Variants in ALK observed in about 807,000 individuals in gnomAD.
ALK encodes the protein ALK receptor tyrosine kinase.
In ALK, 74 loss-of-function variants were observed where a neutral mutation model predicts 163.1. That is an observed-to-expected ratio of 0.45 (90% CI 0.38 to 0.55). The LOEUF (loss-of-function observed/expected upper bound fraction) is 0.55, where lower values mean the gene tolerates loss of function less well. Among genes scored for constraint, ALK ranks in the 20% least tolerant of loss-of-function variants. The pLI, the probability that ALK is intolerant of heterozygous loss-of-function variation, is 0.00. For synonymous variants in ALK, 960 were observed against 843.2 expected (o/e 1.14, Z -2.40); for missense variants, 2,063 against 2,105.3 (o/e 0.98, Z 0.39).
rs1674356566 is a variant in ALK at position 29,571,126 on chromosome 2, T to C, written c.953-39010A>G. ...TTACCATGTGTTCTCTCTCCCTGTT[T>C]GTGAAAGATGAAAATGAACAGCTTT... On this transcript the variant is annotated intron_variant, in intron 3 of 28. Transcript: ENST00000389048. Among the ~76,000 whole-genome samples the C allele has an allele frequency of 2.0e-5, 3 of 152,072 alleles. No individual in the cohort carries two copies. The South Asian group carries it at 6.3e-4, about 32-fold the overall frequency.
chr2:29,588,562 A>G (rs561833066), intron 3 of ALK, among the ~76,000 whole-genome samples: 15 of 152,240 alleles, frequency 9.9e-5, no homozygotes, highest in African/African-American at 3.6e-4. Context: ...TTTTGTCTCT[A>G]GATTTGGGGA....
intron 23 of ALK, among the ~76,000 whole-genome samples, chr2:29,215,519 C>T (rs1034446400): frequency 1.3e-5 from 2 of 152,114 alleles, no homozygotes; most frequent in African/African-American, 2.4e-5. Context: ...TCCATATTAA[C>T]GATGAGAAGG....
chr2:29,505,826 G>C (rs1304675468), intron 4 of ALK, among the ~76,000 whole-genome samples: 2 of 143,488 alleles, frequency 1.4e-5, no homozygotes, highest in Non-Finnish European at 3.0e-5. Context: ...AAAAAAGTCA[G>C]TTTGGTTTGG....
chr2:29,411,899 T>A (rs1410481989), intron 4 of ALK, among the ~76,000 whole-genome samples: 1 of 152,220 alleles, frequency 6.6e-6, no homozygotes, highest in African/African-American at 2.4e-5. Context: ...TGGATGAGCC[T>A]CTTGAGTGTC....
chr2:29,870,799 T>G (rs1461678634), intron 1 of ALK, among the ~76,000 whole-genome samples: 2 of 152,196 alleles, frequency 1.3e-5, no homozygotes. Context: ...CTTCATACAT[T>G]TTTGTTTTGG....
At chr2:29,585,552 T>C (rs1042420056) in intron 3 of ALK, among the ~76,000 whole-genome samples, 8 of 152,160 alleles carry the variant, frequency 5.3e-5, no homozygotes, top group Non-Finnish European at 1.0e-4. Context: ...GGTCTTGAAC[T>C]CCTGACCTCA....
intron 5 of ALK, among the ~76,000 whole-genome samples, chr2:29,333,078 T>C (rs1667492800): frequency 6.6e-6 from 1 of 152,200 alleles, no homozygotes. Flanking sequence ...CTGTTTTATT[T>C]TGGATTTCTT....
At chr2:29,721,222 T>C (rs533988539) in intron 1 of ALK, among the ~76,000 whole-genome samples, 30 of 152,318 alleles carry the variant, frequency 2.0e-4, no homozygotes, top group South Asian at 6.2e-4. Flanking sequence ...TTTCACTGTG[T>C]ATCATCCCCC....
At chr2:29,531,019 G>A (rs1673105533) in intron 4 of ALK, among the ~76,000 whole-genome samples, 1 of 152,210 alleles carries the variant, frequency 6.6e-6, no homozygotes, top group Non-Finnish European at 1.5e-5. Context: ...TATTGCCAAA[G>A]CAACAGGCAG....
chr2:29,347,473 A>G (rs1667985635), intron 5 of ALK, among the ~76,000 whole-genome samples: 1 of 152,208 alleles, frequency 6.6e-6, no homozygotes, highest in Non-Finnish European at 1.5e-5. Flanking sequence ...GGCAGGGCTC[A>G]TACTCTGAGC....
chr2:29,326,199 C>G (rs893115072), intron 6 of ALK, among the ~76,000 whole-genome samples: 1 of 152,070 alleles, frequency 6.6e-6, no homozygotes, highest in Non-Finnish European at 1.5e-5. Context: ...AGTAGACTGC[C>G]CTGAAGCTTG....
At chr2:29,575,535 G>A (rs531899113) in intron 3 of ALK, among the ~76,000 whole-genome samples, 17 of 152,250 alleles carry the variant, frequency 1.1e-4, no homozygotes, top group South Asian at 2.1e-4. Context: ...ACGAAGGCTC[G>A]GGTCAGTGCA....
chr2:29,575,288 G>A (rs1472914424), intron 3 of ALK, among the ~76,000 whole-genome samples: 4 of 152,158 alleles, frequency 2.6e-5, no homozygotes, highest in East Asian at 1.9e-4. Flanking sequence ...TGCTTCTTGC[G>A]AGATTCCATT....
intron 3 of ALK, among the ~76,000 whole-genome samples, chr2:29,538,181 A>G (rs1673311741): frequency 6.6e-6 from 1 of 151,812 alleles, no homozygotes; most frequent in Non-Finnish European, 1.5e-5. Context: ...ATGTAAGGAC[A>G]TGATATTTGG....
chr2:29,247,503 C>A (rs1446196514), intron 12 of ALK, among the ~76,000 whole-genome samples: 1 of 152,206 alleles, frequency 6.6e-6, no homozygotes, highest in Non-Finnish European at 1.5e-5. Context: ...TGCACCCAAG[C>A]CCCCATGCCA....
At chr2:29,485,559 A>G (rs1336395731) in intron 4 of ALK, among the ~76,000 whole-genome samples, 1 of 152,218 alleles carries the variant, frequency 6.6e-6, no homozygotes, top group Non-Finnish European at 1.5e-5. Context: ...AAAAATTTCT[A>G]TTAATCTGAA....
chr2:29,257,670 TC>T lies in ALK; in HGVS notation c.2042-6404del, dbSNP rs920631831. On this transcript the variant is annotated intron_variant, in intron 11 of 28. Coordinates refer to ENST00000389048, the MANE Select transcript of ALK (RefSeq NM_004304.5). ...GTACCACGGAAGAGCGCTCAATGCT[TC>T]ATGTGGATCATTTGTACAATTTTTA... Among the ~76,000 whole-genome samples, 33 of 151,964 alleles carry T rather than the reference TC, an allele frequency of 2.2e-4. 1 individual carries two copies. The highest frequency in any genetic ancestry group is 2.9e-4 in the Non-Finnish European group (20 of 67,980).
intron 3 of ALK, among the ~76,000 whole-genome samples, chr2:29,635,001 C>A (rs1042922484): frequency 6.6e-6 from 1 of 151,992 alleles, no homozygotes; most frequent in Admixed American, 6.6e-5. Context: ...CAATGAACAC[C>A]CAGGCATCAA....
intron 4 of ALK, among the ~76,000 whole-genome samples, chr2:29,505,810 A>AC (rs1008542632): frequency 2.6e-5 from 4 of 151,774 alleles, no homozygotes; most frequent in African/African-American, 9.7e-5. Flanking sequence ...CTAATTGAAA[A>AC]AAAAAAAAAA....
Sources: gnomAD v4.1 joint callset for allele counts (sites outside exome capture counted in the v4.1 genomes callset) on GRCh38, gnomAD v4.1.1 for gene constraint, MANE v1.5 for transcripts, NCBI Gene and HGNC (gene_info 2026-07-23, HGNC 2026-07-21) for gene names.